The following MRPL44 variants were observed in gnomAD, a reference collection of about 807,000 sequenced individuals.
The protein encoded by MRPL44 is large ribosomal subunit protein mL44.
In MRPL44, 21 loss-of-function variants were observed where a neutral mutation model predicts 25.9. The ratio of observed to expected loss-of-function variants is 0.81; its 90% CI spans 0.58 to 1.17. The LOEUF is 1.17. Ranked by LOEUF, MRPL44 falls within the 50% of genes most tolerant of loss-of-function variation. The pLI, the probability that MRPL44 is intolerant of heterozygous loss-of-function variation, is 0.00. For synonymous variants in MRPL44, 169 were observed against 151.0 expected, an observed-to-expected ratio of 1.12 and a Z score of -0.87; for missense variants, 410 against 398.9, an observed-to-expected ratio of 1.03 and a Z score of -0.24.
chr2:223,962,784 C>T (rs913549763), intron 2 of MRPL44, among the ~76,000 whole-genome samples: 6 of 152,146 alleles, frequency 3.9e-5, no homozygotes, highest in South Asian at 2.1e-4. Context: ...TCACTGCAAC[C>T]TCCACCTCCC....
chr2:223,960,391 G>A (rs1689640158), intron 2 of MRPL44, among the ~76,000 whole-genome samples: 2 of 152,160 alleles, frequency 1.3e-5, no homozygotes, highest in South Asian at 4.2e-4. Context: ...ATGAAATGTT[G>A]GATTTCAAGT....
upstream of MRPL44, among the ~76,000 whole-genome samples, chr2:223,955,304 G>C (rs1009241901): frequency 1.3e-5 from 2 of 152,110 alleles, no homozygotes; most frequent in Non-Finnish European, 2.9e-5. Context: ...TTTGTATTTT[G>C]AACAGTTTTA....
chr2:223,967,357 C>T lies in MRPL44; in HGVS notation c.*323C>T, dbSNP rs1689758953. The T allele has an allele frequency of 1.6e-5, 3 of 184,122 alleles. No individual in the cohort carries two copies. Among genetic ancestry groups the T allele is most frequent in the Non-Finnish European group, 3.4e-5 (3 of 88,466 alleles). 11.4% of individuals were successfully genotyped at this position (184,122 alleles called of 1,614,324 possible). A position where few individuals can be genotyped will look rare whatever the true frequency, so the allele number is the denominator to read the frequency against. On this transcript the variant is annotated 3_prime_UTR_variant, in exon 4 of 4. Transcript: ENST00000258383. Reference sequence around the variant, plus strand: ...AAGCGATTCTCGTGGCTCAGCCTCCCTAGTAGCTGGGATTACAGGCACACA... The same window carrying T: ...AAGCGATTCTCGTGGCTCAGCCTCCTTAGTAGCTGGGATTACAGGCACACA...
intron 1 of MRPL44, among the ~76,000 whole-genome samples, chr2:223,958,961 G>A (rs1338381458): frequency 6.6e-6 from 1 of 152,182 alleles, no homozygotes; most frequent in African/African-American, 2.4e-5. Flanking sequence ...AATTGCTACA[G>A]ACCTTCAGTT....
At chr2:223,951,478 G>GTTTTTTTT in the MRPL44 span, among the ~76,000 whole-genome samples, 1,068 of 112,464 alleles carry the variant, frequency 9.5e-3, 66 homozygotes, top group African/African-American at 0.034. Context: ...TTACCTTGGA[G>GTTTTTTTT]TTTTTTTTTT....
rs1197946136 is a variant in MRPL44, at chr2:223,963,846, A to G, written c.739A>G (p.Lys247Glu). The G allele has an allele frequency of 2.5e-6, 4 of 1,613,800 alleles. No homozygotes were observed. The highest frequency in any genetic ancestry group is 3.4e-6 in the Non-Finnish European group (4 of 1,179,888). ...GGGGCTATTGGTAGAAGAACTGAAGAAAAGGAATGTTTCAGCTCCTGAATC... is the reference window on the plus strand; with the variant it reads ...GGGGCTATTGGTAGAAGAACTGAAGGAAAGGAATGTTTCAGCTCCTGAATC... ...PMGLLVEELK[K>E]RNVSAPESRL... Residue 247 changes from lysine to glutamate, a missense_variant, in exon 3 of 4, where the codon AAA becomes GAA. Physicochemically the swap from Lys to Glu is moderately conservative, Grantham distance 56. Transcript: ENST00000258383.
Position 223,967,474 on chromosome 2 carries a change from C to T in MRPL44, c.*440C>T, listed in dbSNP as rs1330780431. 6.5e-6 allele frequency: 1 copy of T among 153,524 alleles called. No individual in the cohort carries two copies. Among genetic ancestry groups the T allele is most frequent in the Non-Finnish European group, 1.4e-5 (1 of 68,980 alleles). 9.5% of individuals were successfully genotyped at this position (153,524 alleles called of 1,614,324 possible). On this transcript the variant is annotated 3_prime_UTR_variant, in exon 4 of 4. Transcript: ENST00000258383. Reference sequence around the variant, plus strand: ...TCTTGAACTCCTGACCTCAGGTGATCCACCCGCCTTGGCCTCCCAAAGTGC... The same window carrying T: ...TCTTGAACTCCTGACCTCAGGTGATTCACCCGCCTTGGCCTCCCAAAGTGC...
At chr2:223,958,830 A>G (rs902845751) in intron 1 of MRPL44, among the ~76,000 whole-genome samples, 1 of 152,212 alleles carries the variant, frequency 6.6e-6, no homozygotes, top group Admixed American at 6.5e-5. Context: ...TTATGTTTAT[A>G]CTATTCTGTA....
chr2:223,966,780 A>C, intron 3 of MRPL44, 83 bp from the exon 4 acceptor site: 1 of 1,174,958 alleles, frequency 8.5e-7, no homozygotes, highest in Non-Finnish European at 1.2e-6. Flanking sequence ...TAGATGTAGA[A>C]GGCATAATTG....
At chr2:223,966,423 GATA>G (rs1689742337) in intron 3 of MRPL44, among the ~76,000 whole-genome samples, 1 of 151,752 alleles carries the variant, frequency 6.6e-6, no homozygotes. Flanking sequence ...CATAATTCCT[GATA>G]ATATTTTTAC....
At chr2:223,963,495 G>T (rs1689695322) in intron 2 of MRPL44, among the ~76,000 whole-genome samples, 1 of 152,004 alleles carries the variant, frequency 6.6e-6, no homozygotes, top group Non-Finnish European at 1.5e-5. Context: ...AATTTTGGTA[G>T]ATCATACTGC....
At chr2:223,960,114 C>A in intron 2 of MRPL44, 112 bp downstream of exon 2, 1 of 845,006 alleles carries the variant, frequency 1.2e-6, no homozygotes, top group Non-Finnish European at 1.8e-6. Context: ...CCAAGAAAAA[C>A]TGAGAAAGAC....
Position 223,967,048 on chromosome 2 carries a change from A to T in MRPL44, c.*14A>T, listed in dbSNP as rs771353096. 6.3e-7 allele frequency: 1 copy of T among 1,588,314 alleles called. No homozygotes were observed. The highest frequency in any genetic ancestry group is 8.6e-7 in the Non-Finnish European group (1 of 1,166,296). On this transcript the variant is annotated 3_prime_UTR_variant, in exon 4 of 4. Coordinates refer to ENST00000258383, the MANE Select transcript of MRPL44 (RefSeq NM_022915.5). ...ACTGCCAGCTAGCCGCCATGGATGC[A>T]GCAGCCTGAAACTTGAGAGCGAAAG... is the stretch of plus-strand genomic sequence containing the variant.
Position 223,957,613 on chromosome 2 carries a change from G to A in MRPL44, c.141G>A (p.Arg47=), listed in dbSNP as rs555765290. 1.1e-5 allele frequency: 17 copies of A among 1,611,620 alleles called. No individual in the cohort carries two copies. Among genetic ancestry groups the A allele is most frequent in the Non-Finnish European group, 1.4e-5 (16 of 1,179,858 alleles). ...TCCGCTTCCAGAAGGAGTTAGAGCG[G>A]CAGCGCCTTCTGCGGTGCCCGCCGC... The part of the protein sequence containing the change: ...AAFRFQKELE[R]QRLLRCPPPP... The change falls in exon 1 of 4, where the codon CGG becomes CGA. Residue 47 remains arginine (R), a synonymous_variant. Coordinates refer to ENST00000258383, the MANE Select transcript of MRPL44 (RefSeq NM_022915.5).
At chr2:223,955,368 G>A (rs1326323825), upstream of MRPL44, among the ~76,000 whole-genome samples, 2 of 152,138 alleles carry the variant, frequency 1.3e-5, no homozygotes, top group Non-Finnish European at 2.9e-5. Flanking sequence ...TTTTCCTTGT[G>A]AGTTGGATTA....
chr2:223,951,654 T>A, the MRPL44 span, among the ~76,000 whole-genome samples: 1 of 152,128 alleles, frequency 6.6e-6, no homozygotes, highest in Admixed American at 6.5e-5. Context: ...AATTTTTGTA[T>A]TTTTAGTAGA....
intron 2 of MRPL44, among the ~76,000 whole-genome samples, chr2:223,960,239 C>A (rs942181810): frequency 6.6e-6 from 1 of 152,068 alleles, no homozygotes; most frequent in Non-Finnish European, 1.5e-5. Flanking sequence ...CAAGCCATAT[C>A]ATCTTTAAGT....
Position 223,963,857 on chromosome 2 carries a change from T to C in MRPL44, c.750T>C (p.Val250=). The C allele has an allele frequency of 6.2e-7, 1 of 1,613,992 alleles. No individual in the cohort carries two copies. Among genetic ancestry groups the C allele is most frequent in the Non-Finnish European group, 8.5e-7 (1 of 1,179,936 alleles). ...TAGAAGAACTGAAGAAAAGGAATGT[T>C]TCAGCTCCTGAATCAAGACTTACTA... ...LLVEELKKRN[V]SAPESRLTRQ... The change falls in exon 3 of 4, where the codon GTT becomes GTC. Residue 250 remains valine (V), a synonymous_variant. Transcript: ENST00000258383.
In MRPL44 at chr2:223,957,471, C is replaced by T; in HGVS notation, c.-2C>T. 6.2e-7 allele frequency: 1 copy of T among 1,614,158 alleles called. No individual in the cohort carries two copies. Among genetic ancestry groups the T allele is most frequent in the Non-Finnish European group, 8.5e-7 (1 of 1,180,018 alleles). On this transcript the variant is annotated 5_prime_UTR_variant, in exon 1 of 4. Transcript: ENST00000258383. ...CCGTCTTCCATCGTTTTCTCTCGTG[C>T]AATGGCGTCCGGGCTGGTAAGATTG... is the stretch of plus-strand genomic sequence containing the variant.
Sources: allele counts gnomAD v4.1 joint callset (sites outside exome capture counted in the v4.1 genomes callset), GRCh38; gene constraint gnomAD v4.1.1; transcripts MANE v1.5; gene names NCBI Gene and HGNC (gene_info 2026-07-23, HGNC 2026-07-21).